Variants in COG5 observed in about 807,000 individuals in gnomAD.
COG5 encodes the protein conserved oligomeric Golgi complex subunit 5.
COG5 carries 86 observed loss-of-function variants against 110.4 expected under a neutral mutation model. That is an observed-to-expected ratio of 0.78 (90% CI 0.65 to 0.93). The LOEUF (loss-of-function observed/expected upper bound fraction) is 0.93, where lower values mean the gene tolerates loss of function less well. Among genes scored for constraint, COG5 ranks in the 40% least tolerant of loss-of-function variants. The pLI, the probability that COG5 is intolerant of heterozygous loss-of-function variation, is 0.00. For synonymous variants in COG5, 360 were observed against 334.6 expected (o/e 1.08, Z -0.83); for missense variants, 1,077 against 987.0 (o/e 1.09, Z -1.22).
chr7:107,405,820 T>A (rs921083925), intron 7 of COG5, among the ~76,000 whole-genome samples: 1 of 152,118 alleles, frequency 6.6e-6, no homozygotes, highest in African/African-American at 2.4e-5. Context: ...CACCCATGAA[T>A]GGGATTCATG....
intron 6 of COG5, among the ~76,000 whole-genome samples, chr7:107,443,845 T>C (rs765678551): frequency 6.6e-6 from 1 of 152,194 alleles, no homozygotes; most frequent in Non-Finnish European, 1.5e-5. Context: ...ATATTATATA[T>C]TTCATATATT....
At chr7:107,283,806 A>G in intron 12 of COG5, 74 bp from the exon 13 acceptor site, 1 of 1,091,878 alleles carries the variant, frequency 9.2e-7, no homozygotes, top group Non-Finnish European at 1.4e-6. Context: ...GGCTGTAAAT[A>G]CCTTTTTAAA....
intron 8 of COG5, among the ~76,000 whole-genome samples, chr7:107,367,766 C>T (rs1371100866): frequency 6.6e-6 from 1 of 151,820 alleles, no homozygotes; most frequent in Admixed American, 6.6e-5. Flanking sequence ...GTATAATGGA[C>T]ATTAGAGACT....
At chr7:107,526,022 G>C (rs181115773) in intron 6 of COG5, among the ~76,000 whole-genome samples, 3 of 152,288 alleles carry the variant, frequency 2.0e-5, no homozygotes, top group South Asian at 2.1e-4. Context: ...ATTTGTGAAG[G>C]ATTTCCTTGA....
chr7:107,301,708 A>G (rs1807283770), intron 11 of COG5, among the ~76,000 whole-genome samples: 3 of 152,108 alleles, frequency 2.0e-5, no homozygotes, highest in Admixed American at 1.3e-4. Context: ...ATCTCTACTA[A>G]AAATACAAAA....
intron 6 of COG5, among the ~76,000 whole-genome samples, chr7:107,434,115 C>T (rs1236652528): frequency 6.6e-6 from 1 of 152,058 alleles, no homozygotes; most frequent in Non-Finnish European, 1.5e-5. Flanking sequence ...GAGATATCAC[C>T]TCACACCAGT....
At chr7:107,463,258 C>T (rs1796109270) in intron 6 of COG5, among the ~76,000 whole-genome samples, 5 of 152,238 alleles carry the variant, frequency 3.3e-5, no homozygotes, top group Admixed American at 3.3e-4. Flanking sequence ...AGCTGCATCC[C>T]TTTTCAAAGC....
At chr7:107,333,539 A>G (rs1332277879) in intron 10 of COG5, among the ~76,000 whole-genome samples, 1 of 152,204 alleles carries the variant, frequency 6.6e-6, no homozygotes. Context: ...TGTTTTATAA[A>G]ATAAGAGCTT....
chr7:107,378,285 C>A (rs1814806275), intron 7 of COG5, among the ~76,000 whole-genome samples: 4 of 152,038 alleles, frequency 2.6e-5, no homozygotes. Flanking sequence ...CAGCAAAGAC[C>A]AAAGGTAGAT....
chr7:107,461,292 C>A (rs1795977781), intron 6 of COG5, among the ~76,000 whole-genome samples: 1 of 151,386 alleles, frequency 6.6e-6, no homozygotes, highest in African/African-American at 2.4e-5. Flanking sequence ...ATTAAAAAAA[C>A]AAATCCATGT....
chr7:107,546,359 A>G (rs1433592650), intron 5 of COG5, among the ~76,000 whole-genome samples: 1 of 151,996 alleles, frequency 6.6e-6, no homozygotes, highest in African/African-American at 2.4e-5. Flanking sequence ...AATAAAGATC[A>G]GGGCAGAAAT....
intron 14 of COG5, among the ~76,000 whole-genome samples, chr7:107,262,485 A>T (rs747448622): frequency 1.3e-5 from 2 of 152,156 alleles, no homozygotes; most frequent in Non-Finnish European, 2.9e-5. Flanking sequence ...TTAAGAATAC[A>T]TATATTCATG....
In COG5 at chr7:107,563,543, ATGG is replaced by A. The variant is rs1295806820; in HGVS notation, c.94+257_94+259del. ...CCGAAACTTCAGGGAAGCTGGAGGC[ATGG>A]GGGGGGGGGGGGTCGAGTTGAAATG... On this transcript the variant is annotated intron_variant, in intron 1 of 21. Transcript: ENST00000297135. 2.6e-3 allele frequency: 824 copies of A among 315,496 alleles called. 2 individuals are homozygous for A. Among genetic ancestry groups the A allele is most frequent in the Non-Finnish European group, 3.1e-3 (557 of 179,866 alleles). The allele number at this position is 315,496 out of a possible 1,614,324, so 19.5% of individuals were successfully genotyped here.
intron 19 of COG5, among the ~76,000 whole-genome samples, chr7:107,221,764 CAAAAA>C (rs1165656626): frequency 1.6e-5 from 1 of 61,944 alleles, no homozygotes. Flanking sequence ...GACTCCGTCT[CAAAAA>C]AAAAAAAAAA....
At chr7:107,509,170 A>G (rs1255544162) in intron 6 of COG5, among the ~76,000 whole-genome samples, 1 of 152,194 alleles carries the variant, frequency 6.6e-6, no homozygotes, top group Non-Finnish European at 1.5e-5. Flanking sequence ...ACGAATGGCT[A>G]ACTAGAATAA....
At chr7:107,445,223 T>C (rs1243664251) in intron 6 of COG5, among the ~76,000 whole-genome samples, 1 of 152,112 alleles carries the variant, frequency 6.6e-6, no homozygotes, top group Non-Finnish European at 1.5e-5. Flanking sequence ...TGTAGAAATG[T>C]AGCTAATAAA....
chr7:107,465,493 G>A (rs2129104115), intron 6 of COG5, among the ~76,000 whole-genome samples: 1 of 152,228 alleles, frequency 6.6e-6, no homozygotes, highest in East Asian at 1.9e-4. Context: ...TAAGTTAGAA[G>A]ACTCAATACT....
chr7:107,288,338 G>A (rs1307790380), intron 12 of COG5, among the ~76,000 whole-genome samples: 3 of 152,108 alleles, frequency 2.0e-5, no homozygotes, highest in Non-Finnish European at 4.4e-5. Flanking sequence ...CTCTAGCCTG[G>A]GCTACAGAAC....
rs1417102596 is a variant in COG5, at chr7:107,558,096, TA to T, written c.113del (p.Leu38Ter). 6.2e-7 allele frequency: 1 copy of T among 1,613,888 alleles called. No individual in the cohort carries two copies. The highest frequency in any genetic ancestry group is 1.3e-5 in the African/African-American group (1 of 75,038). On this transcript the variant is annotated frameshift_variant, in exon 2 of 22. Coordinates refer to ENST00000297135, the MANE Select transcript of COG5 (RefSeq NM_006348.5). LOFTEE classifies it high-confidence loss of function. ...AAGTCTTTACATCAAAGTCTTCGTTTAAAAAGTCACTATAACACCCTGGATT... is the reference window on the plus strand; with the variant it reads ...AAGTCTTTACATCAAAGTCTTCGTTTAAAAGTCACTATAACACCCTGGATT... Reference protein sequence around the residue: ...LLQDGCYSDFLNEDFDVKTYT... With the variant: ...LLQDGCYSDFXNEDFDVKTYT...
Sources: allele counts gnomAD v4.1 joint callset (sites outside exome capture counted in the v4.1 genomes callset), GRCh38; gene constraint gnomAD v4.1.1; transcripts MANE v1.5; gene names NCBI Gene and HGNC (gene_info 2026-07-23, HGNC 2026-07-21).